The following COPG2 variants were observed in gnomAD, a reference collection of about 807,000 sequenced individuals.
COPG2 encodes coatomer subunit gamma-2.
A neutral mutation model predicts 46.3 loss-of-function variants in COPG2; 37 were observed. The observed-to-expected ratio is 0.80, with a 90% confidence interval of 0.61 to 1.05. COPG2 has a LOEUF of 1.05. Among genes scored for constraint, COPG2 ranks in the 50% least tolerant of loss-of-function variants. COPG2 has a pLI of 0.00. For missense variants in COPG2, 427 were observed against 387.8 expected (o/e 1.10, Z -0.85); for synonymous variants, 159 against 129.7 (o/e 1.23, Z -1.53).
At chr7:130,556,226 ACTTTTTGCTCCAGAGGG>A (rs1201041710) in intron 12 of COPG2, among the ~76,000 whole-genome samples, 148 of 152,300 alleles carry the variant, frequency 9.7e-4, no homozygotes, top group African/African-American at 3.2e-3. Flanking sequence ...AAACATGTTT[ACTTTTTGCTCCAGAGGG>A]CTTTTTGCTC....
intron 17 of COPG2, 83 bp from the exon 18 acceptor site, chr7:130,549,459 G>A: frequency 2.5e-6 from 1 of 398,024 alleles, no homozygotes; most frequent in Non-Finnish European, 4.4e-6. Context: ...GAGGAGAGCA[G>A]ACATTTCTAG....
intron 20 of COPG2, among the ~76,000 whole-genome samples, chr7:130,536,096 T>TA (rs1472560920): frequency 6.6e-6 from 1 of 151,648 alleles, no homozygotes; most frequent in Non-Finnish European, 1.5e-5. Flanking sequence ...ATTAGATGGG[T>TA]CAGGGCATAA....
chr7:130,591,899 G>C (rs1236359944), intron 9 of COPG2, among the ~76,000 whole-genome samples: 1 of 152,156 alleles, frequency 6.6e-6, no homozygotes, highest in Admixed American at 6.5e-5. Flanking sequence ...TCTGGGAGGT[G>C]TACTCAACAG....
At chr7:130,662,685 G>A (rs1435370534) in intron 4 of COPG2, among the ~76,000 whole-genome samples, 2 of 152,200 alleles carry the variant, frequency 1.3e-5, no homozygotes, top group Admixed American at 1.3e-4. Flanking sequence ...TGGTAGCTAT[G>A]TGCACTGACT....
chr7:130,631,692 CTA>C (rs376331849), intron 5 of COPG2, among the ~76,000 whole-genome samples: 45 of 152,220 alleles, frequency 3.0e-4, no homozygotes, highest in African/African-American at 9.1e-4. Context: ...TTGCCTCATG[CTA>C]TTTTTGTCAC....
At position 130,551,364 on chromosome 7, in the gene COPG2, T is replaced by C. The variant is rs1793532696; in HGVS notation, c.1545-20A>G. The C allele has an allele frequency of 7.5e-6, 3 of 398,262 alleles. No individual in the cohort carries two copies. The highest frequency in any genetic ancestry group is 4.1e-5 in the African/African-American group (2 of 48,608). The allele number at this position is 398,262 out of a possible 1,614,324, so 24.7% of individuals were successfully genotyped here. A position where few individuals can be genotyped will look rare whatever the true frequency, so the allele number is the denominator to read the frequency against. On this transcript the variant is annotated intron_variant, in intron 15 of 23. Coordinates refer to ENST00000425248, the MANE Select transcript of COPG2 (RefSeq NM_012133.6). ...ATACACCTGTCCAGGGGAAACAGAA[T>C]AGTCATGTCACAGTACCCCAAAGAC... is the stretch of plus-strand genomic sequence containing the variant.
intron 20 of COPG2, among the ~76,000 whole-genome samples, chr7:130,517,276 C>T (rs1799687508): frequency 1.3e-5 from 2 of 152,164 alleles, no homozygotes; most frequent in South Asian, 4.2e-4. Context: ...ATAAAACAGA[C>T]AAAAGTTAAG....
intron 5 of COPG2, chr7:130,645,168 C>T: frequency 1.7e-6 from 1 of 589,858 alleles, no homozygotes. Flanking sequence ...AAATATGGTC[C>T]TCATGCTTCC....
At chr7:130,667,456 G>T in intron 2 of COPG2, 26 bp downstream of exon 2, 1 of 1,602,500 alleles carries the variant, frequency 6.2e-7, no homozygotes, top group Non-Finnish European at 8.5e-7. Context: ...AGAAAAGAAA[G>T]GGCACAAGAT....
chr7:130,642,132 A>G (rs1212823282), intron 5 of COPG2, among the ~76,000 whole-genome samples: 1 of 152,174 alleles, frequency 6.6e-6, no homozygotes, highest in Non-Finnish European at 1.5e-5. Flanking sequence ...ACTCAATTCC[A>G]GACTTTCACT....
At chr7:130,513,347 G>GTT in intron 20 of COPG2, among the ~76,000 whole-genome samples, 1 of 63,042 alleles carries the variant, frequency 1.6e-5, no homozygotes, top group Non-Finnish European at 3.6e-5. Flanking sequence ...ATATATGTGT[G>GTT]TGTGTGTGTG....
In COPG2 at chr7:130,518,557, C is replaced by T. The variant is rs927291665; in HGVS notation, c.2150-9898G>A. On this transcript the variant is annotated intron_variant, in intron 20 of 23. Transcript: ENST00000425248. The stretch of plus-strand genomic sequence containing the variant: ...ATGATGTATCCATCACTGTGATTAT[C>T]GATGGAAGCTGATAATACTGATGTT... Among the ~76,000 whole-genome samples, 14 of 152,100 alleles carry T rather than the reference C, an allele frequency of 9.2e-5. No individual in the cohort carries two copies. In the East Asian group the frequency reaches 2.3e-3, roughly 25 times the overall value.
intron 20 of COPG2, chr7:130,509,118 C>T: frequency 2.2e-6 from 1 of 446,574 alleles, no homozygotes; most frequent in South Asian, 1.7e-5. Flanking sequence ...TCAATACTAT[C>T]TTTAGATTGT....
intron 9 of COPG2, among the ~76,000 whole-genome samples, chr7:130,577,873 A>G (rs1445017445): frequency 6.6e-6 from 1 of 151,862 alleles, no homozygotes; most frequent in African/African-American, 2.4e-5. Context: ...GCTGATTGCT[A>G]GCACAGCAGT....
chr7:130,519,710 G>C (rs1799709482), intron 20 of COPG2, among the ~76,000 whole-genome samples: 4 of 152,192 alleles, frequency 2.6e-5, no homozygotes. Context: ...TTAAGCCAAA[G>C]CTCATGATAG....
chr7:130,555,994 C>A (rs961601941), intron 12 of COPG2, among the ~76,000 whole-genome samples: 1 of 152,168 alleles, frequency 6.6e-6, no homozygotes. Context: ...AGACAGTTAA[C>A]TACTCACAGC....
chr7:130,639,232 T>C (rs889183454), intron 5 of COPG2, among the ~76,000 whole-genome samples: 3 of 152,218 alleles, frequency 2.0e-5, no homozygotes, highest in Non-Finnish European at 4.4e-5. Flanking sequence ...ACTTTACATA[T>C]TATAGTCTGT....
chr7:130,561,781 G>C (rs1327927071), intron 11 of COPG2, among the ~76,000 whole-genome samples: 2 of 152,138 alleles, frequency 1.3e-5, no homozygotes, highest in South Asian at 2.1e-4. Context: ...AAACACTCTG[G>C]AAAGCAGAGC....
At chr7:130,533,803 T>C (rs1051236597) in intron 20 of COPG2, among the ~76,000 whole-genome samples, 1 of 151,950 alleles carries the variant, frequency 6.6e-6, no homozygotes, top group Admixed American at 6.5e-5. Context: ...ATCAGAGGGT[T>C]TCATAAAGAC....
Sources: allele counts gnomAD v4.1 joint callset (sites outside exome capture counted in the v4.1 genomes callset), GRCh38; gene constraint gnomAD v4.1.1; transcripts MANE v1.5; gene names NCBI Gene and HGNC (gene_info 2026-07-23, HGNC 2026-07-21).